H2AZ2: variants seen among roughly 807,000 people sequenced by gnomAD.
The protein encoded by H2AZ2 is histone H2A.V.
A neutral mutation model predicts 15.5 loss-of-function variants in H2AZ2; 5 were observed. The ratio of observed to expected loss-of-function variants is 0.32; its 90% confidence interval spans 0.17 to 0.68. The LOEUF (loss-of-function observed/expected upper bound fraction) is 0.68, where lower values mean the gene tolerates loss of function less well. Among genes scored for constraint, H2AZ2 ranks in the 30% least tolerant of loss-of-function variants. The pLI, the probability that H2AZ2 is intolerant of heterozygous loss-of-function variation, is 0.72. For synonymous variants in H2AZ2, 44 were observed against 57.4 expected (o/e 0.77, Z 1.05); for missense variants, 42 against 162.5 (o/e 0.26, Z 4.03).
At chr7:44,839,115 C>T (rs181546697) in intron 3 of H2AZ2, among the ~76,000 whole-genome samples, 149 of 152,268 alleles carry the variant, frequency 9.8e-4, no homozygotes, top group African/African-American at 3.4e-3. Context: ...TGCAGAGAAC[C>T]AGGACAGACT....
chr7:44,837,339 G>T (rs1793149687), intron 3 of H2AZ2, among the ~76,000 whole-genome samples: 1 of 146,090 alleles, frequency 6.8e-6, no homozygotes, highest in Non-Finnish European at 1.5e-5. Context: ...AGGAGAATCG[G>T]TTGAACCCAG....
In H2AZ2 at chr7:44,847,931, C is replaced by G. The variant is rs535593767; in HGVS notation, c.3+38G>C. Reference sequence around the variant, plus strand: ...GCCAGGGCCTCCGCGCTCTGCTCTCCCAGGCCCCGTGCCCCCGGCCCACCC... The same window carrying G: ...GCCAGGGCCTCCGCGCTCTGCTCTCGCAGGCCCCGTGCCCCCGGCCCACCC... On this transcript the variant is annotated intron_variant, in intron 1 of 4. Coordinates refer to ENST00000308153, the MANE Select transcript of H2AZ2 (RefSeq NM_012412.5). The G allele has an allele frequency of 1.3e-5, 19 of 1,516,200 alleles. 1 individual carries two copies. In the South Asian group the frequency reaches 2.2e-4, roughly 17 times the overall value. 93.9% of individuals were successfully genotyped at this position (1,516,200 alleles called of 1,614,324 possible). A position where few individuals can be genotyped will look rare whatever the true frequency, so the allele number is the denominator to read the frequency against.
At chr7:44,837,031 C>CA (rs1326441900) in intron 3 of H2AZ2, among the ~76,000 whole-genome samples, 1 of 149,966 alleles carries the variant, frequency 6.7e-6, no homozygotes, top group African/African-American at 2.5e-5. Context: ...AAAAACAAAA[C>CA]AACAAAAAAA....
Position 44,848,071 on chromosome 7 carries a change from G to C in H2AZ2, c.-100C>G. On this transcript the variant is annotated 5_prime_UTR_variant, in exon 1 of 5. Coordinates refer to ENST00000308153, the MANE Select transcript of H2AZ2 (RefSeq NM_012412.5). ...CGCAGCACCGACCGCCGCCGCCGGA[G>C]CCGGACAATACCCCGTGCCCGCCTC... 1 of 677,350 alleles carries C rather than the reference G, an allele frequency of 1.5e-6. No homozygotes were observed. Among genetic ancestry groups the C allele is most frequent in the Non-Finnish European group, 2.1e-6 (1 of 486,490 alleles). 42.0% of individuals were successfully genotyped at this position (677,350 alleles called of 1,614,324 possible).
chr7:44,847,861 C>T, intron 1 of H2AZ2, 108 bp downstream of exon 1: 5 of 1,462,480 alleles, frequency 3.4e-6, no homozygotes, highest in South Asian at 1.2e-5. Context: ...CCGGACGAAG[C>T]CCAGACACCC....
chr7:44,839,924 AC>A (rs1327878595), intron 3 of H2AZ2, among the ~76,000 whole-genome samples: 6 of 151,468 alleles, frequency 4.0e-5, no homozygotes, highest in Non-Finnish European at 7.4e-5. Context: ...AATTGCTTGA[AC>A]CCAAGAAGTG....
At chr7:44,846,062 C>CACACACAG (rs57468916) in intron 1 of H2AZ2, among the ~76,000 whole-genome samples, 2 of 75,056 alleles carry the variant, frequency 2.7e-5, no homozygotes, top group African/African-American at 8.3e-5. Context: ...CACACACACA[C>CACACACAG]AGAGAGAGAC....
downstream of H2AZ2, chr7:44,830,092 C>T (rs1792979599): frequency 1.4e-5 from 22 of 1,588,558 alleles, no homozygotes; most frequent in South Asian, 2.4e-4. Context: ...GAATCTTGTT[C>T]CACTAAATCA....
At chr7:44,830,008 G>A (rs375966093), downstream of H2AZ2, 35 of 676,080 alleles carry the variant, frequency 5.2e-5, 1 homozygote, top group East Asian at 5.0e-4. Context: ...TTGAATTCAC[G>A]TATCTGAGAA....
chr7:44,840,087 G>A (rs895298998), intron 3 of H2AZ2, among the ~76,000 whole-genome samples: 6 of 152,026 alleles, frequency 3.9e-5, no homozygotes, highest in African/African-American at 1.2e-4. Context: ...ACAGCTACTA[G>A]GGAGGCTGAG....
rs998083672 is a variant in H2AZ2 at position 44,832,706 on chromosome 7, TG to T, written c.*1794del. On this transcript the variant is annotated 3_prime_UTR_variant, in exon 5 of 5. Coordinates refer to ENST00000308153, the MANE Select transcript of H2AZ2 (RefSeq NM_012412.5). ...GCTTATGCCTATAATCCCAGTACTT[TG>T]GGAGGCCAAGGTGGGAGGATGGCTT... Among the ~76,000 whole-genome samples, 5 of 152,206 alleles carry T rather than the reference TG, an allele frequency of 3.3e-5. No individual in the cohort carries two copies. The highest frequency in any genetic ancestry group is 1.2e-4 in the African/African-American group (5 of 41,460).
chr7:44,830,612 T>G (rs2117018162), downstream of H2AZ2, among the ~76,000 whole-genome samples: 1 of 152,374 alleles, frequency 6.6e-6, no homozygotes, highest in Non-Finnish European at 1.5e-5. Flanking sequence ...TAAGTGCCAT[T>G]GCATTTCACT....
rs1583712017 is a variant in H2AZ2, at chr7:44,835,350, A to C, written c.325+179T>G. 2.1e-5 allele frequency: 10 copies of C among 474,186 alleles called. No individual in the cohort carries two copies. In the East Asian group the frequency reaches 3.2e-4, roughly 15 times the overall value. The allele number at this position is 474,186 out of a possible 1,614,324, so 29.4% of individuals were successfully genotyped here. A position where few individuals can be genotyped will look rare whatever the true frequency, so the allele number is the denominator to read the frequency against. ...TAAAAATAGCATTACATATGGCTAGAAGGTGAAATATTTATTCAGATCATT... is the reference window on the plus strand; with the variant it reads ...TAAAAATAGCATTACATATGGCTAGCAGGTGAAATATTTATTCAGATCATT... On this transcript the variant is annotated intron_variant, in intron 4 of 4. Coordinates refer to ENST00000308153, the MANE Select transcript of H2AZ2 (RefSeq NM_012412.5).
chr7:44,834,708 G>C (rs1249115178), intron 4 of H2AZ2, 146 bp from the exon 5 acceptor site: 2 of 663,696 alleles, frequency 3.0e-6, no homozygotes, highest in African/African-American at 1.8e-5. Flanking sequence ...CTACACCCCA[G>C]GGGTCTGTGA....
chr7:44,831,613 C>A (rs1793001812), downstream of H2AZ2, among the ~76,000 whole-genome samples: 1 of 149,034 alleles, frequency 6.7e-6, no homozygotes, highest in Non-Finnish European at 1.5e-5. Context: ...ACAGAAACTT[C>A]AAAATGGGCG....
downstream of H2AZ2, chr7:44,827,614 A>C (rs964556413): frequency 3.3e-5 from 5 of 152,236 alleles, no homozygotes; most frequent in Non-Finnish European, 7.3e-5. Flanking sequence ...ATAATTTTTT[A>C]AAATTTTAAA....
chr7:44,831,062 G>T (rs1204727671), downstream of H2AZ2, among the ~76,000 whole-genome samples: 1 of 152,202 alleles, frequency 6.6e-6, no homozygotes, highest in Non-Finnish European at 1.5e-5. Context: ...AGCTACTCAG[G>T]AGGCTGAGGC....
downstream of H2AZ2, chr7:44,830,287 T>C: frequency 2.2e-6 from 2 of 917,612 alleles, no homozygotes; most frequent in Non-Finnish European, 3.3e-6. Flanking sequence ...ATATAGGTGG[T>C]GAGTATAAGA....
Position 44,843,392 on chromosome 7 carries a change from T to C in H2AZ2, c.4-38A>G, listed in dbSNP as rs576084384. 10 of 1,345,300 alleles carry C rather than the reference T, an allele frequency of 7.4e-6. No homozygotes were observed. In the East Asian group the frequency reaches 2.1e-4, roughly 28 times the overall value. 83.3% of individuals were successfully genotyped at this position (1,345,300 alleles called of 1,614,324 possible). A position where few individuals can be genotyped will look rare whatever the true frequency, so the allele number is the denominator to read the frequency against. On this transcript the variant is annotated intron_variant, in intron 1 of 4. Transcript: ENST00000308153. ...AAAAATTTTTTTGAATGAAAAGAGT[T>C]GAAAATACTACTTCAAAAATATTCT...
Sources: gnomAD v4.1 joint callset for allele counts (sites outside exome capture counted in the v4.1 genomes callset) on GRCh38, gnomAD v4.1.1 for gene constraint, MANE v1.5 for transcripts, NCBI Gene and HGNC (gene_info 2026-07-23, HGNC 2026-07-21) for gene names.